The following SLC35A1 variants were observed in gnomAD, a reference collection of about 807,000 sequenced individuals.
The protein encoded by SLC35A1 is solute carrier family 35 member A1.
Under a neutral mutation model 40.3 loss-of-function variants are expected in SLC35A1, and 21 were observed. The ratio of observed to expected loss-of-function variants is 0.52; its 90% CI spans 0.37 to 0.75. The LOEUF is 0.75. SLC35A1 is among the 30% of genes least tolerant of loss of function. The pLI, the probability that SLC35A1 is intolerant of heterozygous loss-of-function variation, is 0.00. For missense variants in SLC35A1, 297 were observed against 382.1 expected (o/e 0.78, Z 1.86); for synonymous variants, 146 against 147.3 (o/e 0.99, Z 0.06).
At chr6:87,483,812 T>C (rs1562019411) in intron 2 of SLC35A1, among the ~76,000 whole-genome samples, 2 of 152,322 alleles carry the variant, frequency 1.3e-5, no homozygotes, top group South Asian at 4.1e-4. Context: ...CCCACTCATG[T>C]TGTCCTCTCT....
At chr6:87,493,535 T>C (rs938238357) in intron 2 of SLC35A1, among the ~76,000 whole-genome samples, 5 of 152,158 alleles carry the variant, frequency 3.3e-5, no homozygotes, top group Non-Finnish European at 7.4e-5. Context: ...CTAACATCAC[T>C]GTGTTCATTC....
intron 2 of SLC35A1, among the ~76,000 whole-genome samples, chr6:87,493,606 ATGC>A (rs1769625536): frequency 1.3e-5 from 2 of 152,312 alleles, no homozygotes; most frequent in Middle Eastern, 6.8e-3. Context: ...AGCTCCCATT[ATGC>A]TCAAGATGTT....
intron 1 of SLC35A1, 33 bp from the exon 2 acceptor site, chr6:87,477,329 C>G (rs760377481): frequency 1.3e-6 from 2 of 1,557,512 alleles, no homozygotes; most frequent in Non-Finnish European, 8.8e-7. Context: ...ATATTGTCTA[C>G]TAAGTAATGT....
At chr6:87,511,163 C>T (rs1298140716) in intron 7 of SLC35A1, among the ~76,000 whole-genome samples, 1 of 152,214 alleles carries the variant, frequency 6.6e-6, no homozygotes, top group East Asian at 1.9e-4. Context: ...TAGGCATACT[C>T]ATGTTCTAAA....
chr6:87,482,371 T>A (rs755684155), intron 2 of SLC35A1, among the ~76,000 whole-genome samples: 1 of 152,270 alleles, frequency 6.6e-6, no homozygotes, highest in South Asian at 2.1e-4. Context: ...TGCTAACTTT[T>A]GGCAAACTTT....
chr6:87,477,166 G>GGTGTGTGTGTGTGT (rs71018020), intron 1 of SLC35A1, among the ~76,000 whole-genome samples, 196 bp from the exon 2 acceptor site: 28 of 149,874 alleles, frequency 1.9e-4, no homozygotes, highest in Middle Eastern at 3.4e-3. Context: ...AGTCAGCTGT[G>GGTGTGTGTGTGTGT]GTGTGTGTGT....
intron 2 of SLC35A1, among the ~76,000 whole-genome samples, chr6:87,494,147 C>G (rs909529942): frequency 2.7e-5 from 4 of 150,596 alleles, no homozygotes; most frequent in South Asian, 2.1e-4. Flanking sequence ...CTATCTCATT[C>G]TTTTTAAAAG....
intron 2 of SLC35A1, among the ~76,000 whole-genome samples, chr6:87,497,906 T>G (rs564676972): frequency 6.9e-4 from 105 of 151,880 alleles, no homozygotes; most frequent in Non-Finnish European, 8.4e-4. Flanking sequence ...TTTTTTTTTT[T>G]TTTTAAGAGA....
At chr6:87,509,909 A>G (rs1253124138) in intron 7 of SLC35A1, among the ~76,000 whole-genome samples, 3 of 152,244 alleles carry the variant, frequency 2.0e-5, no homozygotes, top group African/African-American at 7.2e-5. Flanking sequence ...AATATAAACC[A>G]ATGTATGAAG....
intron 2 of SLC35A1, chr6:87,488,029 GTTATTA>G (rs946089156): frequency 3.3e-5 from 5 of 152,152 alleles, no homozygotes; most frequent in African/African-American, 1.2e-4. Context: ...ATTGGGTAGA[GTTATTA>G]TTATTTTTGT....
chr6:87,481,883 T>C (rs997374570), intron 2 of SLC35A1, among the ~76,000 whole-genome samples: 3 of 152,236 alleles, frequency 2.0e-5, no homozygotes, highest in Admixed American at 2.0e-4. Flanking sequence ...ACAATTAACA[T>C]TTTAAAACTT....
chr6:87,488,096 A>G (rs894363878), intron 2 of SLC35A1: 1 of 152,122 alleles, frequency 6.6e-6, no homozygotes, highest in Non-Finnish European at 1.5e-5. Context: ...CAACAGTTTG[A>G]TTTTGGGTAG....
chr6:87,503,304 T>C (rs980188355), intron 4 of SLC35A1, among the ~76,000 whole-genome samples: 1 of 152,224 alleles, frequency 6.6e-6, no homozygotes, highest in African/African-American at 2.4e-5. Context: ...TGACTACGGC[T>C]GGAGGATCTG....
chr6:87,499,595 T>C (rs1230142432), intron 2 of SLC35A1, among the ~76,000 whole-genome samples: 1 of 135,706 alleles, frequency 7.4e-6, no homozygotes, highest in Non-Finnish European at 1.6e-5. Context: ...TTTATGTACA[T>C]TAGAGATATA....
chr6:87,511,555 G>A lies in SLC35A1; in HGVS notation c.*29G>A. ...TAGCCTCACGTGAGACTCCTTTTAAGACTAAACCATTTGCATTAAACTAGA... is the reference window on the plus strand; with the variant it reads ...TAGCCTCACGTGAGACTCCTTTTAAAACTAAACCATTTGCATTAAACTAGA... On this transcript the variant is annotated 3_prime_UTR_variant, in exon 8 of 8. Transcript: ENST00000369552. The A allele has an allele frequency of 6.2e-7, 1 of 1,611,852 alleles. No individual in the cohort carries two copies. The highest frequency in any genetic ancestry group is 8.5e-7 in the Non-Finnish European group (1 of 1,178,116).
chr6:87,484,922 A>T (rs9450714), intron 2 of SLC35A1, among the ~76,000 whole-genome samples: 8,088 of 152,346 alleles, frequency 0.053, 236 homozygotes, highest in African/African-American at 0.079. Context: ...TGATATGAAC[A>T]GTTAAGAGGA....
chr6:87,500,749 A>ATTT (rs34275744), intron 3 of SLC35A1, 82 bp downstream of exon 3: 176 of 1,110,734 alleles, frequency 1.6e-4, no homozygotes, highest in Non-Finnish European at 1.9e-4. Flanking sequence ...CATATTATCA[A>ATTT]TTTTTTTTTT....
chr6:87,473,090 GC>G, intron 1 of SLC35A1, 71 bp downstream of exon 1: 1 of 427,488 alleles, frequency 2.3e-6, no homozygotes. Flanking sequence ...GCGCTGGTCA[GC>G]CCCTGTCGGG....
intron 2 of SLC35A1, among the ~76,000 whole-genome samples, chr6:87,489,318 CTGG>C: frequency 6.6e-6 from 1 of 151,992 alleles, no homozygotes; most frequent in Admixed American, 6.5e-5. Context: ...TACTGTTTTC[CTGG>C]TAGTGAGCTG....
Sources: allele counts gnomAD v4.1 joint callset (sites outside exome capture counted in the v4.1 genomes callset), GRCh38; gene constraint gnomAD v4.1.1; transcripts MANE v1.5; gene names NCBI Gene and HGNC (gene_info 2026-07-23, HGNC 2026-07-21).